Variants in CDH4 observed in about 807,000 individuals in gnomAD.
The protein encoded by CDH4 is cadherin 4, also known as cadherin-4.
CDH4 carries 33 observed loss-of-function variants against 86.0 expected under a neutral mutation model. The ratio of observed to expected loss-of-function variants is 0.38; its 90% CI spans 0.29 to 0.51. The LOEUF is 0.51. Among genes scored for constraint, CDH4 ranks in the 20% least tolerant of loss-of-function variants. CDH4 has a pLI of 0.86. For missense variants in CDH4, 1,114 were observed against 1,307.4 expected (o/e 0.85, Z 2.28); for synonymous variants, 555 against 549.4 (o/e 1.01, Z -0.14).
At chr20:61,579,487 A>G (rs528739537) in intron 2 of CDH4, among the ~76,000 whole-genome samples, 15 of 152,096 alleles carry the variant, frequency 9.9e-5, no homozygotes, top group Admixed American at 6.5e-4. Context: ...GGGTTTCGCC[A>G]TGTTGGCCAG....
intron 6 of CDH4, among the ~76,000 whole-genome samples, 180 bp downstream of exon 6, chr20:61,853,078 G>T (rs8115486): frequency 6.6e-6 from 1 of 152,200 alleles, no homozygotes; most frequent in Non-Finnish European, 1.5e-5. Context: ...AGGCCTTGGG[G>T]TCAAGGGGGT....
chr20:61,660,794 T>TCC (rs1297302668), intron 2 of CDH4, among the ~76,000 whole-genome samples: 1 of 152,088 alleles, frequency 6.6e-6, no homozygotes, highest in East Asian at 1.9e-4. Flanking sequence ...AGTAGGTGCT[T>TCC]CGTGGAGATA....
In CDH4 at chr20:61,623,979, C is replaced by T. The variant is rs1015942942; in HGVS notation, c.170-119584C>T. ...AGCAGGAAAGACACGGTTCCTAGAG[C>T]GAGGAACAGTGCATCCACCATCAGA... On this transcript the variant is annotated intron_variant, in intron 2 of 15. Coordinates refer to ENST00000614565, the MANE Select transcript of CDH4 (RefSeq NM_001794.5). This position sits in a 1 kb window ranked among gnomAD's most constrained non-coding sequence, Gnocchi z 4.4. Among the ~76,000 whole-genome samples, 1 of 152,128 alleles carries T rather than the reference C, an allele frequency of 6.6e-6. No individual in the cohort carries two copies. The highest frequency in any genetic ancestry group is 2.4e-5 in the African/African-American group (1 of 41,432).
At chr20:61,541,937 G>T (rs990950365) in intron 2 of CDH4, among the ~76,000 whole-genome samples, 2 of 152,160 alleles carry the variant, frequency 1.3e-5, no homozygotes, top group Non-Finnish European at 2.9e-5. Flanking sequence ...CTTGAAGCTG[G>T]ATATGGCTGT....
intron 2 of CDH4, among the ~76,000 whole-genome samples, chr20:61,325,878 G>T (rs537606746): frequency 6.6e-6 from 1 of 152,132 alleles, no homozygotes; most frequent in Non-Finnish European, 1.5e-5. Flanking sequence ...CACGGGTGCC[G>T]ACGCAAGTGG....
At chr20:61,369,050 C>T (rs752427278) in intron 2 of CDH4, among the ~76,000 whole-genome samples, 6 of 152,096 alleles carry the variant, frequency 3.9e-5, no homozygotes, top group African/African-American at 4.8e-5. Context: ...AGCCTACTAT[C>T]GTCAAAAATG....
At chr20:61,854,502 T>C (rs1982893829) in intron 6 of CDH4, among the ~76,000 whole-genome samples, 1 of 146,308 alleles carries the variant, frequency 6.8e-6, no homozygotes, top group Non-Finnish European at 1.5e-5. Context: ...AATTGTGCCC[T>C]TGGTCCACCC....
chr20:61,518,583 TATCATCCATCCATC>T lies in CDH4; in HGVS notation c.170-224971_170-224958del, dbSNP rs1411379335. Among the ~76,000 whole-genome samples, 1 of 151,590 alleles carries T rather than the reference TATCATCCATCCATC, an allele frequency of 6.6e-6. No homozygotes were observed. The highest frequency in any genetic ancestry group is 1.5e-5 in the Non-Finnish European group (1 of 67,896). On this transcript the variant is annotated intron_variant, in intron 2 of 15. Transcript: ENST00000614565. The surrounding 1 kb of genome is among the most constrained non-coding windows in gnomAD (Gnocchi z 6.3). The stretch of plus-strand genomic sequence containing the variant: ...TCTATTTGTCATCTATCCATCCATA[TATCATCCATCCATC>T]ATCATCCACTCATCCATCCATCCTT...
chr20:61,781,802 C>T (rs75730986), intron 4 of CDH4, among the ~76,000 whole-genome samples: 1,743 of 152,246 alleles, frequency 0.011, 28 homozygotes, highest in African/African-American at 0.039. Context: ...CAAAGAACGC[C>T]GTTCACCGAT....
intron 2 of CDH4, among the ~76,000 whole-genome samples, chr20:61,599,311 T>C (rs987118657): frequency 9.9e-5 from 15 of 152,190 alleles, no homozygotes; most frequent in Non-Finnish European, 1.9e-4. Flanking sequence ...GGGACCTCCT[T>C]CTGCTGGGGG....
intron 2 of CDH4, among the ~76,000 whole-genome samples, chr20:61,280,490 G>A (rs1206613052): frequency 6.6e-6 from 1 of 152,202 alleles, no homozygotes; most frequent in Non-Finnish European, 1.5e-5. Context: ...CAACATGGCG[G>A]TGGGGGCCGA....
intron 2 of CDH4, among the ~76,000 whole-genome samples, chr20:61,605,451 TTCTCTGTCTCTG>T (rs997546797): frequency 6.6e-6 from 1 of 151,282 alleles, no homozygotes; most frequent in Non-Finnish European, 1.5e-5. Flanking sequence ...CTCTCTCTCT[TTCTCTGTCTCTG>T]TCTCTCTATT....
At chr20:61,620,322 GGATGGATGGATA>G (rs898679623) in intron 2 of CDH4, among the ~76,000 whole-genome samples, 2 of 150,968 alleles carry the variant, frequency 1.3e-5, no homozygotes, top group South Asian at 2.1e-4. Flanking sequence ...GTAGGTAGAT[GGATGGATGGATA>G]GATGGATGGA....
intron 2 of CDH4, among the ~76,000 whole-genome samples, chr20:61,554,740 T>G (rs1013876333): frequency 3.3e-5 from 5 of 152,262 alleles, no homozygotes; most frequent in Admixed American, 3.3e-4. Flanking sequence ...CACATGTACA[T>G]GTACATGCAT....
At chr20:61,281,525 A>T (rs1249977438) in intron 2 of CDH4, among the ~76,000 whole-genome samples, 1 of 152,152 alleles carries the variant, frequency 6.6e-6, no homozygotes, top group Non-Finnish European at 1.5e-5. Context: ...CGCCCAAGGG[A>T]AGGAGCTTTG....
chr20:61,644,957 G>A (rs1281289828), intron 2 of CDH4, among the ~76,000 whole-genome samples: 2 of 152,238 alleles, frequency 1.3e-5, no homozygotes, highest in Admixed American at 6.5e-5. Context: ...CTCCAGACCA[G>A]CCTCTCAGCT....
intron 5 of CDH4, among the ~76,000 whole-genome samples, chr20:61,847,594 T>C (rs569309329): frequency 6.6e-6 from 1 of 152,372 alleles, no homozygotes; most frequent in African/African-American, 2.4e-5. Context: ...CACGCTGTGT[T>C]AGCCCTTTCA....
rs2087857189 is a variant in CDH4, at chr20:61,708,545, T to C, written c.170-35018T>C. 6.6e-6 allele frequency among the ~76,000 whole-genome samples: 1 copy of C among 152,158 alleles called. No homozygotes were observed. The highest frequency in any genetic ancestry group is 6.5e-5 in the Admixed American group (1 of 15,280). ...ACAGCCCTGACTCGTAGCCGGTGGC[T>C]GCAGGCTCTTTGCCCCCCACTTCCC... On this transcript the variant is annotated intron_variant, in intron 2 of 15. Coordinates refer to ENST00000614565, the MANE Select transcript of CDH4 (RefSeq NM_001794.5). The surrounding 1 kb of genome is among the most constrained non-coding windows in gnomAD (Gnocchi z 4.5).
intron 2 of CDH4, among the ~76,000 whole-genome samples, chr20:61,713,146 A>G (rs2087911071): frequency 6.6e-6 from 1 of 152,118 alleles, no homozygotes; most frequent in Non-Finnish European, 1.5e-5. Context: ...TGTGCAAAAT[A>G]TGCAAAAATA....
Sources: allele counts gnomAD v4.1 joint callset (sites outside exome capture counted in the v4.1 genomes callset), GRCh38; gene constraint gnomAD v4.1.1; non-coding constraint Gnocchi (gnomAD v3.1); transcripts MANE v1.5; gene names NCBI Gene and HGNC (gene_info 2026-07-23, HGNC 2026-07-21).